The following MTUS2 variants were observed in gnomAD, a reference collection of about 807,000 sequenced individuals.
MTUS2 encodes microtubule-associated tumor suppressor candidate 2.
MTUS2 carries 40 observed loss-of-function variants against 114.1 expected under a neutral mutation model. The observed-to-expected ratio is 0.35, with a 90% confidence interval of 0.27 to 0.46. The LOEUF is 0.46. Ranked by LOEUF, MTUS2 falls within the 20% of genes least tolerant of loss-of-function variation. The pLI is 1.00. For missense variants in MTUS2, 1,679 were observed against 1,705.4 expected (o/e 0.98, Z 0.27); for synonymous variants, 688 against 672.0 (o/e 1.02, Z -0.37).
chr13:29,340,552 A>AT (rs34873518), intron 7 of MTUS2, among the ~76,000 whole-genome samples: 29,471 of 152,096 alleles, frequency 0.19, 2,979 homozygotes, highest in Non-Finnish European at 0.23. Flanking sequence ...GGCAATGTTG[A>AT]TTTTTTGTGG....
At chr13:29,020,222 T>G (rs904833412) in intron 2 of MTUS2, among the ~76,000 whole-genome samples, 2 of 152,228 alleles carry the variant, frequency 1.3e-5, no homozygotes, top group Admixed American at 6.5e-5. Context: ...TATTGTTAAC[T>G]TTTTGTAATA....
rs139576973 is a variant in MTUS2 at position 28,838,144 on chromosome 13, A to G, written c.-315-1634A>G. Among the ~76,000 whole-genome samples the G allele has an allele frequency of 3.7e-3, 563 of 152,374 alleles. 5 individuals are homozygous for G. The highest frequency in any genetic ancestry group is 0.013 in the African/African-American group (536 of 41,594). The stretch of plus-strand genomic sequence containing the variant: ...AAGGAGATTAAAAAGTTTATTTTGC[A>G]GCTGGCTGCTCTTTCATGCAAAAAC... On this transcript the variant is annotated intron_variant, in intron 1 of 15. Coordinates refer to ENST00000612955, the MANE Select transcript of MTUS2 (RefSeq NM_001033602.4).
intron 7 of MTUS2, among the ~76,000 whole-genome samples, chr13:29,328,364 G>A (rs970493421): frequency 3.9e-5 from 6 of 152,232 alleles, no homozygotes; most frequent in Admixed American, 2.0e-4. Context: ...ATTTCAGGGA[G>A]ACATGAATTG....
intron 2 of MTUS2, among the ~76,000 whole-genome samples, chr13:28,842,860 C>T (rs1432856810): frequency 1.3e-5 from 2 of 152,096 alleles, no homozygotes; most frequent in African/African-American, 4.8e-5. Context: ...AGTGGGTGCT[C>T]CTAGTTCAGT....
intron 6 of MTUS2, among the ~76,000 whole-genome samples, chr13:29,301,164 C>A (rs190685900): frequency 2.6e-5 from 4 of 152,346 alleles, no homozygotes; most frequent in South Asian, 2.1e-4. Context: ...GCTTGCCCCC[C>A]ACCCCGAACT....
chr13:29,048,540 C>T (rs1035544652), intron 4 of MTUS2, among the ~76,000 whole-genome samples: 3 of 152,190 alleles, frequency 2.0e-5, no homozygotes, highest in Non-Finnish European at 4.4e-5. Flanking sequence ...AAGATAATGG[C>T]TCACTGCAGC....
intron 4 of MTUS2, among the ~76,000 whole-genome samples, chr13:29,099,984 A>AT (rs1210845365): frequency 6.6e-6 from 1 of 152,236 alleles, no homozygotes; most frequent in Non-Finnish European, 1.5e-5. Context: ...GACTTTGCAC[A>AT]TATCTGGGAA....
chr13:28,911,845 G>GTTTTTTTTTTTTTTTTTTTTAATT (rs202187530), intron 2 of MTUS2, among the ~76,000 whole-genome samples: 2 of 103,824 alleles, frequency 1.9e-5, no homozygotes, highest in African/African-American at 7.5e-5. Flanking sequence ...ACTTTTTAAT[G>GTTTTTTTTTTTTTTTTTTTTAATT]TTTTTTTTTT....
intron 1 of MTUS2, among the ~76,000 whole-genome samples, chr13:28,823,330 T>G (rs2137920976): frequency 6.6e-6 from 1 of 152,354 alleles, no homozygotes; most frequent in South Asian, 2.1e-4. Flanking sequence ...GCAGTTTTTA[T>G]GAGCAAGTGG....
At chr13:29,182,020 C>G (rs6490362) in intron 5 of MTUS2, among the ~76,000 whole-genome samples, 1 of 152,036 alleles carries the variant, frequency 6.6e-6, no homozygotes, top group Non-Finnish European at 1.5e-5. Flanking sequence ...CCTTTTGCCC[C>G]TGCTTAAATT....
intron 4 of MTUS2, among the ~76,000 whole-genome samples, chr13:29,048,515 C>T (rs1421494931): frequency 1.3e-5 from 2 of 152,164 alleles, no homozygotes; most frequent in Non-Finnish European, 2.9e-5. Context: ...CTCTCTTGCC[C>T]GTCACTGCAG....
chr13:28,968,993 A>T lies in MTUS2; in HGVS notation c.-242-55464A>T, dbSNP rs917705158. Among the ~76,000 whole-genome samples the T allele has an allele frequency of 2.0e-5, 3 of 152,220 alleles. No individual in the cohort carries two copies. The South Asian group carries it at 6.2e-4, about 31-fold the overall frequency. ...ATATAGACTACAACTGATGATATCA[A>T]AATTTTAAATAAAGTTGTTTTTATA... On this transcript the variant is annotated intron_variant, in intron 2 of 15. Coordinates refer to ENST00000612955, the MANE Select transcript of MTUS2 (RefSeq NM_001033602.4).
intron 5 of MTUS2, among the ~76,000 whole-genome samples, chr13:29,105,020 A>G (rs1256142866): frequency 6.6e-6 from 1 of 152,210 alleles, no homozygotes; most frequent in African/African-American, 2.4e-5. Flanking sequence ...AAAATCTGAA[A>G]TTCGAAATGC....
intron 11 of MTUS2, among the ~76,000 whole-genome samples, chr13:29,488,601 C>G (rs1256851106): frequency 1.3e-5 from 2 of 152,066 alleles, no homozygotes; most frequent in African/African-American, 4.8e-5. Context: ...CAGGTGCCCA[C>G]TACCACACCC....
chr13:29,294,690 C>T (rs969769653), intron 6 of MTUS2, among the ~76,000 whole-genome samples: 13 of 152,144 alleles, frequency 8.5e-5, no homozygotes, highest in Non-Finnish European at 1.9e-4. Context: ...AGTGGAATCA[C>T]ACAACATATA....
rs189692068 is a variant in MTUS2 at position 29,208,151 on chromosome 13, A to C, written c.2645-73553A>C. Among the ~76,000 whole-genome samples, 98 of 152,064 alleles carry C rather than the reference A, an allele frequency of 6.4e-4. No homozygotes were observed. The Middle Eastern group carries it at 0.014, about 21-fold the overall frequency. On this transcript the variant is annotated intron_variant, in intron 5 of 15. Coordinates refer to ENST00000612955, the MANE Select transcript of MTUS2 (RefSeq NM_001033602.4). Reference sequence around the variant, plus strand: ...ATTTTAATTTCTTCCTGCCTGGTTTAATCTAGGAAGGTTTTATATTTCCAG... The same window carrying C: ...ATTTTAATTTCTTCCTGCCTGGTTTCATCTAGGAAGGTTTTATATTTCCAG...
chr13:29,053,766 G>A (rs770969355), intron 4 of MTUS2, among the ~76,000 whole-genome samples: 20 of 152,026 alleles, frequency 1.3e-4, no homozygotes, highest in Admixed American at 4.6e-4. Context: ...TTTTATTGCC[G>A]AGTATTGTAT....
chr13:29,341,946 A>G (rs1901421778), intron 7 of MTUS2, among the ~76,000 whole-genome samples: 1 of 151,596 alleles, frequency 6.6e-6, no homozygotes, highest in Admixed American at 6.6e-5. Context: ...TGTTGTTGAA[A>G]ATCAGTTGAC....
intron 5 of MTUS2, among the ~76,000 whole-genome samples, chr13:29,223,462 G>C: frequency 6.6e-6 from 1 of 151,914 alleles, no homozygotes. Flanking sequence ...ACCTGCCCGT[G>C]GACATGAGCT....
Sources: allele counts gnomAD v4.1 joint callset (sites outside exome capture counted in the v4.1 genomes callset), GRCh38; gene constraint gnomAD v4.1.1; transcripts MANE v1.5; gene names NCBI Gene and HGNC (gene_info 2026-07-23, HGNC 2026-07-21).